Variants in MUC5B observed in about 807,000 individuals in gnomAD.
The protein encoded by MUC5B is mucin 5B, oligomeric mucus/gel-forming.
Under a neutral mutation model 376.9 loss-of-function variants are expected in MUC5B, and 116 were observed. The ratio of observed to expected loss-of-function variants is 0.31; its 90% confidence interval spans 0.26 to 0.36. MUC5B has a LOEUF of 0.36. Ranked by LOEUF, MUC5B falls within the 10% of genes least tolerant of loss-of-function variation. MUC5B has a pLI of 1.00. For missense variants in MUC5B, 7,165 were observed against 7,769.9 expected (o/e 0.92, Z 2.93); for synonymous variants, 3,517 against 3,390.9 (o/e 1.04, Z -1.29).
intron 8 of MUC5B, among the ~76,000 whole-genome samples, 170 bp from the exon 9 acceptor site, chr11:1,229,000 G>T (rs1214842790): frequency 6.6e-6 from 1 of 152,102 alleles, no homozygotes; most frequent in Non-Finnish European, 1.5e-5. Context: ...CGGGGGCTGG[G>T]GCTGGAGGGT....
In MUC5B at chr11:1,227,913, C is replaced by T. The variant is rs572317578; in HGVS notation, c.774+132C>T. ...ATTGGAGGGAGGCCGGGCAGCCACC[C>T]TCTGTGTGCTCAGTTCCACGGTACA... On this transcript the variant is annotated intron_variant, in intron 7 of 48. Transcript: ENST00000529681. 4.9e-6 allele frequency: 3 copies of T among 610,036 alleles called. No homozygotes were observed. The East Asian group carries it at 8.3e-5, about 17-fold the overall frequency. The allele number at this position is 610,036 out of a possible 1,614,324, so 37.8% of individuals were successfully genotyped here.
At position 1,258,791 on chromosome 11, in the gene MUC5B, C is replaced by T. The variant is rs1451109107; in HGVS notation, c.16594-151C>T. On this transcript the variant is annotated intron_variant, in intron 43 of 48. Coordinates refer to ENST00000529681, the MANE Select transcript of MUC5B (RefSeq NM_002458.3). This position sits in a 1 kb window ranked among gnomAD's most constrained non-coding sequence, Gnocchi z 5.5. ...TGTGGTCCCTGTGTGCATCAGCTCC[C>T]TGCCTGCCTGGGTCCATGCTCAGCC... 3 of 1,141,070 alleles carry T rather than the reference C, an allele frequency of 2.6e-6. 1 individual carries two copies. Among genetic ancestry groups the T allele is most frequent in the African/African-American group, 3.1e-5 (2 of 64,756 alleles). 70.7% of individuals were successfully genotyped at this position (1,141,070 alleles called of 1,614,324 possible).
rs2133813228 is a variant in MUC5B at position 1,232,877 on chromosome 11, A to C, written c.2065+107A>C. 3 of 1,465,442 alleles carry C rather than the reference A, an allele frequency of 2.0e-6. No homozygotes were observed. The East Asian group carries it at 7.4e-5, about 36-fold the overall frequency. The allele number at this position is 1,465,442 out of a possible 1,614,324, so 90.8% of individuals were successfully genotyped here. Reference sequence around the variant, plus strand: ...CACGGTTCTCAGCCCAGAGCTTTGCACTTCCTCATCCCAGCCTCGCAAGAA... The same window carrying C: ...CACGGTTCTCAGCCCAGAGCTTTGCCCTTCCTCATCCCAGCCTCGCAAGAA... On this transcript the variant is annotated intron_variant, in intron 17 of 48. Coordinates refer to ENST00000529681, the MANE Select transcript of MUC5B (RefSeq NM_002458.3).
chr11:1,226,519 G>A, intron 3 of MUC5B, 96 bp from the exon 4 acceptor site: 2 of 1,476,650 alleles, frequency 1.4e-6, no homozygotes, highest in African/African-American at 1.4e-5. Flanking sequence ...CCGACCATGG[G>A]CTTTTCCATT....
At chr11:1,259,143 G>A in intron 44 of MUC5B, 82 bp downstream of exon 44, 2 of 1,373,484 alleles carry the variant, frequency 1.5e-6, no homozygotes, top group Non-Finnish European at 2.0e-6. Context: ...GCCCCCAGGT[G>A]AGACCTGAGT....
chr11:1,243,547 G>A lies in MUC5B; in HGVS notation c.6667G>A (p.Gly2223Ser), dbSNP rs1035804087. The A allele has an allele frequency of 6.2e-7, 1 of 1,605,974 alleles. No individual in the cohort carries two copies. Among genetic ancestry groups the A allele is most frequent in the African/African-American group, 1.4e-5 (1 of 73,642 alleles). The change falls in exon 31 of 49, where the codon GGC becomes AGC. Residue 2223 changes from glycine (G) to serine (S), a missense_variant. Transcript: ENST00000529681. ...AWTSATSGIL[G>S]TTHITEPSTV... ...GACTTCGGCCACCTCGGGCATCTTG[G>A]GCACCACCCACATCACAGAGCCTTC... is the stretch of plus-strand genomic sequence containing the variant.
At position 1,246,501 on chromosome 11, in the gene MUC5B, C is replaced by G. The variant is rs1222536549; in HGVS notation, c.9621C>G (p.Ser3207Arg). The G allele has an allele frequency of 2.5e-6, 4 of 1,613,084 alleles. No homozygotes were observed. In the African/African-American group the frequency reaches 5.4e-5, roughly 22 times the overall value. The stretch of plus-strand genomic sequence containing the variant: ...CGGCCACCACACCCACAGTCATCAG[C>G]TCCAGAGCCACTCCCTCCTCCAGTC... ...TSTATTPTVI[S>R]SRATPSSSPG... is the part of the protein sequence containing the mutation. The change falls in exon 31 of 49, where the codon AGC becomes AGG. Residue 3207 changes from serine (S) to arginine (R), a missense_variant. Around this residue, in one of 31 missense-constraint regions of MUC5B, gnomAD observed 939 missense variants for 770.6 expected, o/e 1.22. Coordinates refer to ENST00000529681, the MANE Select transcript of MUC5B (RefSeq NM_002458.3).
Position 1,230,617 on chromosome 11 carries a change from G to T in MUC5B, c.1470+17G>T. 6.3e-7 allele frequency: 1 copy of T among 1,593,712 alleles called. No homozygotes were observed. Among genetic ancestry groups the T allele is most frequent in the South Asian group, 1.1e-5 (1 of 89,544 alleles). ...GGGGACACGGTGAGGACCTGGCTGGGGCCCTGGGCTGGGACAGGAAGAGGC... is the reference window on the plus strand; with the variant it reads ...GGGGACACGGTGAGGACCTGGCTGGTGCCCTGGGCTGGGACAGGAAGAGGC... On this transcript the variant is annotated intron_variant, in intron 12 of 48. Transcript: ENST00000529681.
chr11:1,254,253 GCCGCTGCCGCCCGCTGCCC>G lies in MUC5B; in HGVS notation c.15384_15402del (p.Ala5129ProfsTer25). ...CCACTACTGCACGGCCTCTGCCACT[GCCGCTGCCGCCCGCTGCCC>G]CCGCGCCCTCAGCATCCACTACAAG... On this transcript the variant is annotated frameshift_variant, in exon 34 of 49. Transcript: ENST00000529681. LOFTEE classifies it high-confidence loss of function. 1 of 1,612,326 alleles carries G rather than the reference GCCGCTGCCGCCCGCTGCCC, an allele frequency of 6.2e-7. No homozygotes were observed. Among genetic ancestry groups the G allele is most frequent in the Non-Finnish European group, 8.5e-7 (1 of 1,179,838 alleles).
In MUC5B at chr11:1,246,808, A is replaced by T. The variant is rs759302818; in HGVS notation, c.9928A>T (p.Thr3310Ser). ...AACAGCTCACACTACCAAAGTGCCG[A>T]CTACCACAACCACGGGCTTCACAGC... ...PGTAHTTKVP[T>S]TTTTGFTATP... Residue 3310 changes from threonine (T) to serine (S), a missense_variant, in exon 31 of 49, where the codon ACT becomes TCT. This residue lies in a region of MUC5B where 939 missense variants were observed against 770.6 expected (regional missense o/e 1.22). Coordinates refer to ENST00000529681, the MANE Select transcript of MUC5B (RefSeq NM_002458.3). 6 of 1,607,332 alleles carry T rather than the reference A, an allele frequency of 3.7e-6. No individual in the cohort carries two copies. The highest frequency in any genetic ancestry group is 5.1e-6 in the Non-Finnish European group (6 of 1,175,384).
chr11:1,225,829 CA>C, intron 2 of MUC5B, 92 bp downstream of exon 2: 1 of 1,267,512 alleles, frequency 7.9e-7, no homozygotes, highest in Non-Finnish European at 1.1e-6. Context: ...TCCAAGCAGC[CA>C]TGCGTCTGAC....
chr11:1,240,368 C>A lies in MUC5B; in HGVS notation c.3963C>A (p.Ser1321=). The change falls in exon 30 of 49, where the codon TCC becomes TCA. Residue 1321 remains serine, a synonymous_variant. Coordinates refer to ENST00000529681, the MANE Select transcript of MUC5B (RefSeq NM_002458.3). ...FTFTTAWVPH[S]TTSPALPVST... is the part of the protein sequence containing the mutation. Reference sequence around the variant, plus strand: ...TCACCACCGCCTGGGTCCCCCACTCCACGACAAGTAAGCCCTGCCTGGCTC... The same window carrying A: ...TCACCACCGCCTGGGTCCCCCACTCAACGACAAGTAAGCCCTGCCTGGCTC... The A allele has an allele frequency of 6.3e-7, 1 of 1,597,024 alleles. No homozygotes were observed. Among genetic ancestry groups the A allele is most frequent in the Non-Finnish European group, 8.6e-7 (1 of 1,168,544 alleles).
In MUC5B at chr11:1,246,529, G is replaced by T. The variant is rs1210769418; in HGVS notation, c.9649G>T (p.Gly3217Trp). The change falls in exon 31 of 49, where the codon GGG becomes TGG. Residue 3217 changes from glycine to tryptophan, a missense_variant. By Grantham distance (184) the Gly-to-Trp change is radical (BLOSUM62 -2). Coordinates refer to ENST00000529681, the MANE Select transcript of MUC5B (RefSeq NM_002458.3). ...SSRATPSSSP[G>W]TATALPALRS... ...CAGAGCCACTCCCTCCTCCAGTCCA[G>T]GGACTGCAACCGCCCTTCCAGCACT... 6.2e-7 allele frequency: 1 copy of T among 1,613,006 alleles called. No individual in the cohort carries two copies. The highest frequency in any genetic ancestry group is 1.7e-5 in the Admixed American group (1 of 59,944).
chr11:1,255,415 C>T lies in MUC5B; in HGVS notation c.15923C>T (p.Pro5308Leu), dbSNP rs769440902. 91 of 1,603,706 alleles carry T rather than the reference C, an allele frequency of 5.7e-5. No individual in the cohort carries two copies. The highest frequency in any genetic ancestry group is 2.5e-4 in the East Asian group (11 of 44,418). Residue 5308 changes from proline (P) to leucine (L), a missense_variant, in exon 37 of 49, where the codon CCG (proline) becomes CTG (leucine). By Grantham distance (98) the Pro-to-Leu change is moderately conservative (BLOSUM62 -3). Transcript: ENST00000529681. ...GCTGAGTGCCACAACCTTGTGCCCC[C>T]GGGCCCATTCTTCAACGCCTGCATC... ...VFAECHNLVP[P>L]GPFFNACISD...
rs1051357316 is a variant in MUC5B at position 1,256,853 on chromosome 11, T to C, written c.16237+82T>C. On this transcript the variant is annotated intron_variant, in intron 39 of 48. Coordinates refer to ENST00000529681, the MANE Select transcript of MUC5B (RefSeq NM_002458.3). ...GGGTGGGAGGAGCCGCCCAGGACCA[T>C]GATGTGCTCTCCCCTCTCCCCAGCT... 1.3e-5 allele frequency: 14 copies of C among 1,089,990 alleles called. No individual in the cohort carries two copies. In the African/African-American group the frequency reaches 1.9e-4, roughly 15 times the overall value. 67.5% of individuals were successfully genotyped at this position (1,089,990 alleles called of 1,614,324 possible). A position where few individuals can be genotyped will look rare whatever the true frequency, so the allele number is the denominator to read the frequency against.
In MUC5B at chr11:1,236,575, C is replaced by T. The variant is rs373582991; in HGVS notation, c.3057+13C>T. 1.3e-4 allele frequency: 212 copies of T among 1,611,028 alleles called. No homozygotes were observed. The highest frequency in any genetic ancestry group is 1.7e-4 in the Non-Finnish European group (202 of 1,179,064). On this transcript the variant is annotated intron_variant, in intron 24 of 48. Coordinates refer to ENST00000529681, the MANE Select transcript of MUC5B (RefSeq NM_002458.3). ...CCAGGACTACAAGGTGAGCTCGGGC[C>T]GTGCACTCCTAGGCCCTGCAGGACC...
At chr11:1,227,176 C>G (rs758670435) in intron 5 of MUC5B, 31 bp downstream of exon 5, 8 of 1,596,084 alleles carry the variant, frequency 5.0e-6, no homozygotes, top group African/African-American at 1.3e-5. Context: ...CTTGCCCCTT[C>G]AGGCCTGGCC....
chr11:1,241,706 C>A lies in MUC5B; in HGVS notation c.4826C>A (p.Thr1609Asn). Residue 1609 changes from threonine (T) to asparagine (N), a missense_variant, in exon 31 of 49, where the codon ACC becomes AAC. Around this residue, in one of 31 missense-constraint regions of MUC5B, gnomAD observed 897 missense variants for 779.6 expected, o/e 1.15. Coordinates refer to ENST00000529681, the MANE Select transcript of MUC5B (RefSeq NM_002458.3). ...GACCACTGCAGGGGACGTGCCACAACCCCGCCACCGACCACAGAGCTGGAG... is the reference window on the plus strand; with the variant it reads ...GACCACTGCAGGGGACGTGCCACAAACCCGCCACCGACCACAGAGCTGGAG... ...SDDHCRGRAT[T>N]PPPTTELETA... 1 of 1,612,394 alleles carries A rather than the reference C, an allele frequency of 6.2e-7. No individual in the cohort carries two copies. The highest frequency in any genetic ancestry group is 1.3e-5 in the African/African-American group (1 of 74,986).
intron 33 of MUC5B, 38 bp from the exon 34 acceptor site, chr11:1,254,053 AC>A (rs1862769818): frequency 6.3e-7 from 1 of 1,591,344 alleles, no homozygotes; most frequent in African/African-American, 1.3e-5. Flanking sequence ...CGAGGGCACC[AC>A]CACGGAGCCT....
Sources: gnomAD v4.1 joint callset for allele counts (sites outside exome capture counted in the v4.1 genomes callset) on GRCh38, gnomAD v4.1.1 for gene constraint, gnomAD v4.1.1 regional missense constraint, Gnocchi (gnomAD v3.1) non-coding constraint, MANE v1.5 for transcripts, NCBI Gene and HGNC (gene_info 2026-07-23, HGNC 2026-07-21) for gene names.